ARFIP2: variants seen among roughly 807,000 people sequenced by gnomAD.
ARFIP2 encodes the protein ARF interacting protein 2, also known as arfaptin-2.
A neutral mutation model predicts 39.2 loss-of-function variants in ARFIP2; 14 were observed. That is an observed-to-expected ratio of 0.36 (90% CI 0.24 to 0.56). ARFIP2 has a LOEUF of 0.56. ARFIP2 is among the 20% of genes least tolerant of loss of function. ARFIP2 has a pLI of 0.85. For synonymous variants in ARFIP2, 167 were observed against 172.4 expected, an observed-to-expected ratio of 0.97 and a Z score of 0.24; for missense variants, 305 against 422.5, an observed-to-expected ratio of 0.72 and a Z score of 2.44.
In ARFIP2 at chr11:6,478,314, C is replaced by A; in HGVS notation, c.538-116G>T. The A allele has an allele frequency of 7.7e-7, 1 of 1,301,628 alleles. No individual in the cohort carries two copies. The highest frequency in any genetic ancestry group is 1.1e-6 in the Non-Finnish European group (1 of 930,894). 80.6% of individuals were successfully genotyped at this position (1,301,628 alleles called of 1,614,324 possible). ...ACACAGCCAGCAAAACTGGAACAAC[C>A]AAGGACTGCCTCCAGCAAGGCTCTC... On this transcript the variant is annotated intron_variant, in intron 5 of 7. Transcript: ENST00000396777. The surrounding 1 kb of genome is among the most constrained non-coding windows in gnomAD (Gnocchi z 4.8).
rs1851545491 is a variant in ARFIP2 at position 6,479,962 on chromosome 11, A to C, written c.196+10T>G. The C allele has an allele frequency of 6.2e-7, 1 of 1,613,392 alleles. No homozygotes were observed. The highest frequency in any genetic ancestry group is 8.5e-7 in the Non-Finnish European group (1 of 1,179,368). On this transcript the variant is annotated intron_variant, in intron 3 of 7. Transcript: ENST00000396777. ...CTCCACCCAAGATTCCTGTTTCTGA[A>C]CATTCATACCTGTGGGGATGAGTCC...
rs1271324622 is a variant in ARFIP2, at chr11:6,480,418, T to C, written c.4A>G (p.Thr2Ala). 6.2e-7 allele frequency: 1 copy of C among 1,610,576 alleles called. No individual in the cohort carries two copies. Among genetic ancestry groups the C allele is most frequent in the Non-Finnish European group, 8.5e-7 (1 of 1,178,516 alleles). Reference protein sequence around the residue: MTDGILGKAATM... With the variant: MADGILGKAATM... ...GCTGCCTTCCCTAGGATCCCGTCCGTCATGGCTAGGAAAGGTATTGGAGTA... is the reference window on the plus strand; with the variant it reads ...GCTGCCTTCCCTAGGATCCCGTCCGCCATGGCTAGGAAAGGTATTGGAGTA... Residue 2 changes from threonine to alanine, a missense_variant, in exon 2 of 8, where the codon ACG becomes GCG. Transcript: ENST00000396777.
In ARFIP2 at chr11:6,477,263, C is replaced by T. The variant is rs1295425842; in HGVS notation, c.876G>A (p.Lys292=). 1.2e-6 allele frequency: 2 copies of T among 1,612,884 alleles called. No homozygotes were observed. Among genetic ancestry groups the T allele is most frequent in the Non-Finnish European group, 1.7e-6 (2 of 1,179,596 alleles). Residue 292 remains lysine, a synonymous_variant, in exon 8 of 8, where the codon AAG becomes AAA. Transcript: ENST00000396777. The surrounding 1 kb of genome is among the most constrained non-coding windows in gnomAD (Gnocchi z 4.8). ...AGAGCAGCAGCTGCTTGTGCATCAC[C>T]TTGATCTGGGGGTCCAGCAGGGTCA... is the stretch of plus-strand genomic sequence containing the variant. ...KLKFLEENKI[K]VMHKQLLLFH...
At position 6,476,920 on chromosome 11, in the gene ARFIP2, G is replaced by T; in HGVS notation, c.*193C>A. On this transcript the variant is annotated 3_prime_UTR_variant, in exon 8 of 8. Coordinates refer to ENST00000396777, the MANE Select transcript of ARFIP2 (RefSeq NM_001376558.2). Reference sequence around the variant, plus strand: ...GCCCTGTGGCCAGGAAGATAGACAGGGCAGCAACTTCTGGGCCTCCAGGCC... The same window carrying T: ...GCCCTGTGGCCAGGAAGATAGACAGTGCAGCAACTTCTGGGCCTCCAGGCC... The T allele has an allele frequency of 1.7e-6, 1 of 591,458 alleles. No homozygotes were observed. Among genetic ancestry groups the T allele is most frequent in the Admixed American group, 3.3e-5 (1 of 30,746 alleles). The allele number at this position is 591,458 out of a possible 1,614,324, so 36.6% of individuals were successfully genotyped here.
rs1237445105 is a variant in ARFIP2, at chr11:6,479,969, T to C, written c.196+3A>G. ...CAAGATTCCTGTTTCTGAACATTCA[T>C]ACCTGTGGGGATGAGTCCATCACCA... On this transcript the variant is annotated splice_donor_region_variant and intron_variant, in intron 3 of 7. Transcript: ENST00000396777. The C allele has an allele frequency of 6.2e-7, 1 of 1,613,732 alleles. No homozygotes were observed. Among genetic ancestry groups the C allele is most frequent in the African/African-American group, 1.3e-5 (1 of 74,890 alleles).
At position 6,481,315 on chromosome 11, in the gene ARFIP2, C is replaced by G. The variant is rs1163346275; in HGVS notation, c.-127G>C. 2.6e-6 allele frequency: 2 copies of G among 778,610 alleles called. No homozygotes were observed. The highest frequency in any genetic ancestry group is 4.1e-6 in the Non-Finnish European group (2 of 487,174). The allele number at this position is 778,610 out of a possible 1,614,324, so 48.2% of individuals were successfully genotyped here. On this transcript the variant is annotated 5_prime_UTR_variant, in exon 1 of 8. Transcript: ENST00000396777. ...GCTCCAGTTCCCGTCGCGATCCTAGCAGCAGGTCAGGGACTCGGCGGAAAT... is the reference window on the plus strand; with the variant it reads ...GCTCCAGTTCCCGTCGCGATCCTAGGAGCAGGTCAGGGACTCGGCGGAAAT...
rs1255150940 is a variant in ARFIP2 at position 6,480,398 on chromosome 11, C to T, written c.24G>A (p.Lys8=). 6.2e-7 allele frequency: 1 copy of T among 1,612,876 alleles called. No individual in the cohort carries two copies. Among genetic ancestry groups the T allele is most frequent in the African/African-American group, 1.3e-5 (1 of 74,848 alleles). The change falls in exon 2 of 8, where the codon AAG becomes AAA. Residue 8 remains lysine (K), a synonymous_variant. Coordinates refer to ENST00000396777, the MANE Select transcript of ARFIP2 (RefSeq NM_001376558.2). ...GGATAGGGATCTCCATTGTGGCTGCCTTCCCTAGGATCCCGTCCGTCATGG... is the reference window on the plus strand; with the variant it reads ...GGATAGGGATCTCCATTGTGGCTGCTTTCCCTAGGATCCCGTCCGTCATGG... MTDGILG[K]AATMEIPIHG...
intron 1 of ARFIP2, chr11:6,480,751 T>C (rs1851659551): frequency 4.2e-6 from 1 of 236,276 alleles, no homozygotes. Context: ...TCAGGCACTA[T>C]TTGTGACAAT....
rs1851463277 is a variant in ARFIP2, at chr11:6,479,274, C to G, written c.197-16G>C. ...CGGCCAGACCCTAAAGGATCAAGTT[C>G]TCTGACACCAGCCTCTCTCAGATAC... On this transcript the variant is annotated splice_polypyrimidine_tract_variant and intron_variant, in intron 3 of 7. Transcript: ENST00000396777. The G allele has an allele frequency of 1.9e-6, 3 of 1,613,900 alleles. No homozygotes were observed. The highest frequency in any genetic ancestry group is 2.2e-5 in the South Asian group (2 of 91,090).
rs1262084643 is a variant in ARFIP2 at position 6,478,587 on chromosome 11, TG to T, written c.537+150del. 7 of 1,454,796 alleles carry T rather than the reference TG, an allele frequency of 4.8e-6. No individual in the cohort carries two copies. In the East Asian group the frequency reaches 1.5e-4, roughly 31 times the overall value. The allele number at this position is 1,454,796 out of a possible 1,614,324, so 90.1% of individuals were successfully genotyped here. On this transcript the variant is annotated intron_variant, in intron 5 of 7. Coordinates refer to ENST00000396777, the MANE Select transcript of ARFIP2 (RefSeq NM_001376558.2). This position sits in a 1 kb window ranked among gnomAD's most constrained non-coding sequence, Gnocchi z 4.8. ...TGGACCTCTGTACAAACCCTTAGGC[TG>T]CCTCCACAGGTGAGTGCTGCTGGGG...
Position 6,478,731 on chromosome 11 carries a change from G to T in ARFIP2, c.537+7C>A. The stretch of plus-strand genomic sequence containing the variant: ...TTCCCCCACCCTCTTTGGTCTGGGT[G>T]AGGCACCTGAAGCTCTGGGGACTTC... On this transcript the variant is annotated splice_region_variant and intron_variant, in intron 5 of 7. Transcript: ENST00000396777. This position sits in a 1 kb window ranked among gnomAD's most constrained non-coding sequence, Gnocchi z 4.8. 6.2e-7 allele frequency: 1 copy of T among 1,607,476 alleles called. No homozygotes were observed. Among genetic ancestry groups the T allele is most frequent in the Non-Finnish European group, 8.5e-7 (1 of 1,174,748 alleles).
At chr11:6,479,739 G>T (rs192085834) in intron 3 of ARFIP2, 113 of 570,704 alleles carry the variant, frequency 2.0e-4, no homozygotes, top group African/African-American at 1.6e-3. Flanking sequence ...CTTGACTCAG[G>T]TGGTGGCAGG....
rs1482010476 is a variant in ARFIP2 at position 6,477,664 on chromosome 11, G to A, written c.870+54C>T. On this transcript the variant is annotated intron_variant, in intron 7 of 7. Coordinates refer to ENST00000396777, the MANE Select transcript of ARFIP2 (RefSeq NM_001376558.2). The surrounding 1 kb of genome is among the most constrained non-coding windows in gnomAD (Gnocchi z 4.8). ...AATAATGGGGAGGGTCTGAGGGGAAGGTTAGTGTTACAGATGGAAAGGTGG... is the reference window on the plus strand; with the variant it reads ...AATAATGGGGAGGGTCTGAGGGGAAAGTTAGTGTTACAGATGGAAAGGTGG... 3 of 1,585,386 alleles carry A rather than the reference G, an allele frequency of 1.9e-6. No individual in the cohort carries two copies. The highest frequency in any genetic ancestry group is 1.7e-6 in the Non-Finnish European group (2 of 1,161,128).
rs1261368036 is a variant in ARFIP2, at chr11:6,478,968, G to A, written c.316-9C>T. On this transcript the variant is annotated splice_polypyrimidine_tract_variant and intron_variant, in intron 4 of 7. Transcript: ENST00000396777. The surrounding 1 kb of genome is among the most constrained non-coding windows in gnomAD (Gnocchi z 4.8). Reference sequence around the variant, plus strand: ...AACAGTTGCTTTGTGCACTGATTGGGAAATGGGGGAATAAATCAGAGACCC... The same window carrying A: ...AACAGTTGCTTTGTGCACTGATTGGAAAATGGGGGAATAAATCAGAGACCC... 6.2e-7 allele frequency: 1 copy of A among 1,612,992 alleles called. No homozygotes were observed. The highest frequency in any genetic ancestry group is 2.2e-5 in the East Asian group (1 of 44,826).
chr11:6,477,173 C>G lies in ARFIP2; in HGVS notation c.966G>C (p.Gln322His). The G allele has an allele frequency of 6.2e-7, 1 of 1,612,502 alleles. No individual in the cohort carries two copies. The highest frequency in any genetic ancestry group is 8.5e-7 in the Non-Finnish European group (1 of 1,179,210). Residue 322 changes from glutamine (Q) to histidine (H), a missense_variant, in exon 8 of 8, where the codon CAG (glutamine) becomes CAC (histidine). Gln to His is a conservative substitution (Grantham distance 24, BLOSUM62 0). Around this residue, in one of 3 missense-constraint regions of ARFIP2, gnomAD observed 112 missense variants for 118.2 expected, o/e 0.95. Coordinates refer to ENST00000396777, the MANE Select transcript of ARFIP2 (RefSeq NM_001376558.2). The surrounding 1 kb of genome is among the most constrained non-coding windows in gnomAD (Gnocchi z 4.8). ...CTGGAGGCCGCAGCTTGATGTTGAA[C>G]TGCTGCAGGGTCTGCTCCAGCTGTT... is the stretch of plus-strand genomic sequence containing the variant. Reference protein sequence around the residue: ...NQKQLEQTLQQFNIKLRPPGA... With the variant: ...NQKQLEQTLQHFNIKLRPPGA...
chr11:6,480,187 G>T, intron 2 of ARFIP2, 119 bp from the exon 3 acceptor site: 1 of 1,272,750 alleles, frequency 7.9e-7, no homozygotes, highest in Non-Finnish European at 1.1e-6. Flanking sequence ...AGTCTGCACA[G>T]AATCAAAATG....
At position 6,478,503 on chromosome 11, in the gene ARFIP2, CAG is replaced by C; in HGVS notation, c.537+233_537+234del. The C allele has an allele frequency of 7.5e-7, 1 of 1,337,622 alleles. No individual in the cohort carries two copies. The highest frequency in any genetic ancestry group is 1.5e-5 in the South Asian group (1 of 65,652). The allele number at this position is 1,337,622 out of a possible 1,614,324, so 82.9% of individuals were successfully genotyped here. On this transcript the variant is annotated intron_variant, in intron 5 of 7. Transcript: ENST00000396777. This position sits in a 1 kb window ranked among gnomAD's most constrained non-coding sequence, Gnocchi z 4.8. ...GAGCACGAAGGCATTCTCCCCAGTG[CAG>C]AGAGGGGTTATTTGTGAGGCACCTA...
intron 1 of ARFIP2, 150 bp downstream of exon 1, chr11:6,481,081 T>C (rs1851712205): frequency 1.1e-5 from 3 of 266,084 alleles, no homozygotes; most frequent in Non-Finnish European, 2.2e-5. Context: ...CCACAGTCAG[T>C]TATGTCTCCC....
In ARFIP2 at chr11:6,480,483, A is replaced by G; in HGVS notation, c.-42-20T>C. 7.6e-7 allele frequency: 1 copy of G among 1,316,606 alleles called. No homozygotes were observed. Among genetic ancestry groups the G allele is most frequent in the Non-Finnish European group, 1.0e-6 (1 of 963,672 alleles). The allele number at this position is 1,316,606 out of a possible 1,614,324, so 81.6% of individuals were successfully genotyped here. On this transcript the variant is annotated intron_variant, in intron 1 of 7. Transcript: ENST00000396777. ...AGCACCCTGCAAAGCCCAACACAGA[A>G]GTTCTGGACACTGGCCAGCACTCTA...
Sources: gnomAD v4.1 joint callset for allele counts on GRCh38, gnomAD v4.1.1 for gene constraint, gnomAD v4.1.1 regional missense constraint, Gnocchi (gnomAD v3.1) non-coding constraint, MANE v1.5 for transcripts, NCBI Gene and HGNC (gene_info 2026-07-23, HGNC 2026-07-21) for gene names.